Variants in CLASP1 observed in about 807,000 individuals in gnomAD.
CLASP1 encodes the protein cytoplasmic linker associated protein 1, also known as CLIP-associating protein 1.
A neutral mutation model predicts 192.3 loss-of-function variants in CLASP1; 38 were observed. The observed-to-expected ratio is 0.20, with a 90% CI of 0.15 to 0.26. The LOEUF is 0.26. CLASP1 is among the 10% of genes least tolerant of loss of function. The pLI is 1.00. For missense variants in CLASP1, 1,433 were observed against 1,932.5 expected (o/e 0.74, Z 4.85); for synonymous variants, 691 against 712.8 (o/e 0.97, Z 0.49).
At chr2:121,392,748 C>T (rs556302056) in intron 30 of CLASP1, among the ~76,000 whole-genome samples, 1 of 152,302 alleles carries the variant, frequency 6.6e-6, no homozygotes, top group East Asian at 1.9e-4. Flanking sequence ...CAACACAGTG[C>T]ATTAAGAAAG....
At chr2:121,555,965 C>T (rs950539422) in intron 2 of CLASP1, among the ~76,000 whole-genome samples, 3 of 145,490 alleles carry the variant, frequency 2.1e-5, no homozygotes, top group Non-Finnish European at 4.5e-5. Flanking sequence ...GTGTGAGCCA[C>T]GGCGCCTGCC....
chr2:121,517,623 G>C (rs576782711), intron 6 of CLASP1, among the ~76,000 whole-genome samples: 2 of 152,182 alleles, frequency 1.3e-5, no homozygotes, highest in Admixed American at 1.3e-4. Flanking sequence ...GGGAGGCCAA[G>C]GTAGGAGGAC....
chr2:121,615,734 A>G (rs2066341473), intron 1 of CLASP1, among the ~76,000 whole-genome samples: 1 of 152,208 alleles, frequency 6.6e-6, no homozygotes, highest in Non-Finnish European at 1.5e-5. Flanking sequence ...CAGTGAGCCA[A>G]GATCGTGCCA....
At chr2:121,533,230 T>C (rs2094945317) in intron 2 of CLASP1, among the ~76,000 whole-genome samples, 1 of 151,990 alleles carries the variant, frequency 6.6e-6, no homozygotes, top group South Asian at 2.1e-4. Context: ...CCCAGAGAAA[T>C]AGGACAGGAG....
At chr2:121,419,993 A>G (rs748951342) in intron 22 of CLASP1, among the ~76,000 whole-genome samples, 3 of 152,174 alleles carry the variant, frequency 2.0e-5, no homozygotes, top group African/African-American at 7.2e-5. Context: ...AACCAGAACC[A>G]TAACACTCCC....
chr2:121,403,478 A>G (rs2076439124), intron 26 of CLASP1: 1 of 456,632 alleles, frequency 2.2e-6, no homozygotes, highest in African/African-American at 2.0e-5. Context: ...TGGCCATCAC[A>G]GGTTTCTTTC....
At chr2:121,492,769 A>G (rs2093376817) in intron 8 of CLASP1, among the ~76,000 whole-genome samples, 1 of 152,144 alleles carries the variant, frequency 6.6e-6, no homozygotes, top group Non-Finnish European at 1.5e-5. Flanking sequence ...AAAACAGTTT[A>G]GTGGTTCCTC....
At chr2:121,449,099 A>G (rs765258482) in exon 17 of CLASP1, 15 of 1,613,892 alleles carry the variant, frequency 9.3e-6, no homozygotes, top group Non-Finnish European at 1.3e-5. Flanking sequence ...TGCTGAAGTG[A>G]CTGTGGAAAC....
chr2:121,468,684 A>C (rs1345987449), intron 9 of CLASP1, among the ~76,000 whole-genome samples: 1 of 152,200 alleles, frequency 6.6e-6, no homozygotes, highest in African/African-American at 2.4e-5. Context: ...GGCTGAGACA[A>C]TGGAGTTTTC....
intron 11 of CLASP1, among the ~76,000 whole-genome samples, chr2:121,460,853 T>C (rs2087784067): frequency 6.6e-6 from 1 of 152,186 alleles, no homozygotes; most frequent in Admixed American, 6.5e-5. Context: ...TGGAGACTAT[T>C]ACCATACATT....
intron 1 of CLASP1, among the ~76,000 whole-genome samples, chr2:121,646,997 G>A (rs1001294424): frequency 7.1e-6 from 1 of 141,544 alleles, no homozygotes; most frequent in African/African-American, 2.7e-5. Flanking sequence ...CCCAGATCGC[G>A]CCACTGCATT....
At chr2:121,489,549 A>G (rs2093179089) in intron 8 of CLASP1, among the ~76,000 whole-genome samples, 1 of 152,190 alleles carries the variant, frequency 6.6e-6, no homozygotes, top group Non-Finnish European at 1.5e-5. Context: ...TGCCAGCAAA[A>G]CCACTAGGAA....
intron 25 of CLASP1, among the ~76,000 whole-genome samples, chr2:121,407,095 A>G (rs2077031923): frequency 6.6e-6 from 1 of 152,042 alleles, no homozygotes; most frequent in South Asian, 2.1e-4. Flanking sequence ...GTACCCCCGT[A>G]GTCCCAGCTA....
chr2:121,489,917 C>T (rs1471049198), intron 8 of CLASP1, among the ~76,000 whole-genome samples: 2 of 152,190 alleles, frequency 1.3e-5, no homozygotes, highest in Non-Finnish European at 2.9e-5. Context: ...GACCACTTAG[C>T]GTTATTAACA....
chr2:121,576,212 G>GT (rs1268917954), intron 2 of CLASP1, among the ~76,000 whole-genome samples: 1 of 152,166 alleles, frequency 6.6e-6, no homozygotes, highest in Non-Finnish European at 1.5e-5. Context: ...AAAAAAGGGG[G>GT]TAGATATGGG....
At chr2:121,370,739 G>A (rs2149282404) in intron 34 of CLASP1, among the ~76,000 whole-genome samples, 1 of 152,214 alleles carries the variant, frequency 6.6e-6, no homozygotes, top group East Asian at 1.9e-4. Flanking sequence ...ACTCCTCCTG[G>A]CCCTGCAGCT....
chr2:121,438,877 A>G (rs1359737499), intron 19 of CLASP1, among the ~76,000 whole-genome samples: 10 of 150,694 alleles, frequency 6.6e-5, no homozygotes, highest in Non-Finnish European at 1.5e-4. Flanking sequence ...CTCTTTTTCT[A>G]TTGATTGGAA....
rs1289818048 is a variant in CLASP1 at position 121,503,153 on chromosome 2, C to T, written c.712+14G>A. 2.6e-6 allele frequency: 4 copies of T among 1,530,680 alleles called. No homozygotes were observed. In the African/African-American group the frequency reaches 4.1e-5, roughly 16 times the overall value. 94.8% of individuals were successfully genotyped at this position (1,530,680 alleles called of 1,614,324 possible). A position where few individuals can be genotyped will look rare whatever the true frequency, so the allele number is the denominator to read the frequency against. On this transcript the variant is annotated intron_variant, in intron 8 of 39. Coordinates refer to ENST00000263710, the Ensembl canonical transcript of CLASP1. Reference sequence around the variant, plus strand: ...ACTGAAAAAGCAAAAGTAGGGATTGCTTTTTCTACTCACCATTTGCAGATT... The same window carrying T: ...ACTGAAAAAGCAAAAGTAGGGATTGTTTTTTCTACTCACCATTTGCAGATT...
chr2:121,441,926 T>G (rs187295786), intron 19 of CLASP1, among the ~76,000 whole-genome samples: 2 of 152,318 alleles, frequency 1.3e-5, no homozygotes, highest in East Asian at 3.9e-4. Context: ...AAATCTAAGT[T>G]CTTTTTCCTG....
Sources: allele counts gnomAD v4.1 joint callset (sites outside exome capture counted in the v4.1 genomes callset), GRCh38; gene constraint gnomAD v4.1.1; transcripts MANE v1.5; gene names NCBI Gene and HGNC (gene_info 2026-07-23, HGNC 2026-07-21).